CSMD1: variants seen among roughly 807,000 people sequenced by gnomAD.
CSMD1 encodes the protein CUB and sushi domain-containing protein 1.
A neutral mutation model predicts 417.5 loss-of-function variants in CSMD1; 213 were observed. The observed-to-expected ratio is 0.51, with a 90% CI of 0.46 to 0.57. The LOEUF (loss-of-function observed/expected upper bound fraction) is 0.57, where lower values mean the gene tolerates loss of function less well. Ranked by LOEUF, CSMD1 falls within the 20% of genes least tolerant of loss-of-function variation. The pLI, the probability that CSMD1 is intolerant of heterozygous loss-of-function variation, is 0.00. For synonymous variants in CSMD1, 2,862 were observed against 1,736.8 expected, an observed-to-expected ratio of 1.65 and a Z score of -16.11; for missense variants, 6,923 against 4,529.7, an observed-to-expected ratio of 1.53 and a Z score of -15.17.
chr8:4,055,946 T>G (rs1798667130), intron 3 of CSMD1, among the ~76,000 whole-genome samples: 1 of 152,152 alleles, frequency 6.6e-6, no homozygotes. Flanking sequence ...AAATTACACT[T>G]AAAATGAAAC....
intron 1 of CSMD1, among the ~76,000 whole-genome samples, chr8:4,841,914 A>ACAAAAC (rs779346831): frequency 0.099 from 13,383 of 135,758 alleles, 1,435 homozygotes; most frequent in African/African-American, 0.14. Context: ...TCCGTCTCAA[A>ACAAAAC]AAAAAAAAAA....
At chr8:2,998,834 C>G (rs1476077994) in intron 53 of CSMD1, among the ~76,000 whole-genome samples, 6 of 152,180 alleles carry the variant, frequency 3.9e-5, no homozygotes, top group African/African-American at 7.2e-5. Flanking sequence ...ACACTACAGT[C>G]ATAAAACTGG....
intron 23 of CSMD1, among the ~76,000 whole-genome samples, chr8:3,327,519 A>C (rs56702652): frequency 0.14 from 20,700 of 152,152 alleles, 1,837 homozygotes; most frequent in African/African-American, 0.26. Context: ...TATTAACATA[A>C]TATCAGTTTA....
At chr8:4,739,494 A>T (rs1335559281) in intron 1 of CSMD1, among the ~76,000 whole-genome samples, 6 of 152,332 alleles carry the variant, frequency 3.9e-5, no homozygotes, top group Admixed American at 3.3e-4. Context: ...TAGATGAAGT[A>T]ACAAAACTTT....
intron 12 of CSMD1, among the ~76,000 whole-genome samples, chr8:3,456,095 T>C (rs965583714): frequency 7.2e-5 from 11 of 152,166 alleles, no homozygotes; most frequent in African/African-American, 2.7e-4. Context: ...TTCATGGGCG[T>C]AGGACCCTCA....
intron 1 of CSMD1, among the ~76,000 whole-genome samples, chr8:4,765,950 T>C (rs909989897): frequency 2.0e-5 from 3 of 152,220 alleles, no homozygotes; most frequent in East Asian, 1.9e-4. Flanking sequence ...TAATTCCACA[T>C]AGTTTCCAAA....
At chr8:3,345,646 A>G (rs182909353) in intron 22 of CSMD1, among the ~76,000 whole-genome samples, 2 of 152,162 alleles carry the variant, frequency 1.3e-5, no homozygotes, top group African/African-American at 4.8e-5. Flanking sequence ...TTATTAGAGA[A>G]AGTCTTTGGG....
In CSMD1 at chr8:3,556,392, A is replaced by AATATATATATATATATATATATAT. The variant is rs367650533; in HGVS notation, c.1344+18552_1344+18553insATATATATATATATATATATATAT. 1.9e-3 allele frequency among the ~76,000 whole-genome samples: 234 copies of AATATATATATATATATATATATAT among 120,350 alleles called. 2 individuals carry two copies. The highest frequency in any genetic ancestry group is 6.5e-3 in the African/African-American group (198 of 30,348). 79.0% of individuals were successfully genotyped at this position (120,350 alleles called of 152,430 possible). On this transcript the variant is annotated intron_variant, in intron 10 of 69. Coordinates refer to ENST00000635120, the MANE Select transcript of CSMD1 (RefSeq NM_033225.6). ...AAGATTTTTAAAATTTATAATAATTAATATATATATATATATATATATTCA... is the reference window on the plus strand; with the variant it reads ...AAGATTTTTAAAATTTATAATAATTAATATATATATATATATATATATATATATATATATATATATATATATTCA...
At chr8:3,909,690 C>T (rs919331153) in intron 5 of CSMD1, among the ~76,000 whole-genome samples, 1 of 152,148 alleles carries the variant, frequency 6.6e-6, no homozygotes, top group South Asian at 2.1e-4. Context: ...ATCATCATTC[C>T]TCCTTCGAAA....
intron 7 of CSMD1, among the ~76,000 whole-genome samples, chr8:3,644,728 AG>A (rs752186666): frequency 6.6e-6 from 1 of 152,062 alleles, no homozygotes; most frequent in Non-Finnish European, 1.5e-5. Flanking sequence ...GGGGCCTGTC[AG>A]GGGGGTGCAG....
At chr8:3,442,096 A>T (rs894495389) in intron 12 of CSMD1, among the ~76,000 whole-genome samples, 1 of 152,068 alleles carries the variant, frequency 6.6e-6, no homozygotes, top group Non-Finnish European at 1.5e-5. Context: ...ACAAAATTAA[A>T]ATAAAAAATG....
rs990726877 is a variant in CSMD1, at chr8:3,112,845, A to C, written c.6431-2510T>G. ...TCCATAAGCACACAAAATTCTCTCA[A>C]AGCAAAATCCTGTTGCCCTCCCACT... On this transcript the variant is annotated intron_variant, in intron 42 of 69. Transcript: ENST00000635120. The C allele has an allele frequency of 1.3e-3, 196 of 152,328 alleles. 1 individual carries two copies. Among genetic ancestry groups the C allele is most frequent in the African/African-American group, 4.4e-3 (182 of 41,582 alleles). 9.4% of individuals were successfully genotyped at this position (152,328 alleles called of 1,614,324 possible).
chr8:4,451,140 C>A (rs1045207957), intron 2 of CSMD1, among the ~76,000 whole-genome samples: 3 of 151,936 alleles, frequency 2.0e-5, no homozygotes, highest in Admixed American at 2.0e-4. Context: ...CTAGCCTGGG[C>A]AACACAGTAA....
intron 3 of CSMD1, among the ~76,000 whole-genome samples, chr8:4,256,444 A>C (rs1803460237): frequency 6.6e-6 from 1 of 152,314 alleles, no homozygotes; most frequent in African/African-American, 2.4e-5. Context: ...AGATTAAAAG[A>C]GGTGATATAG....
chr8:4,416,817 A>G (rs1209998226), intron 3 of CSMD1, among the ~76,000 whole-genome samples: 3 of 152,084 alleles, frequency 2.0e-5, no homozygotes, highest in Admixed American at 1.3e-4. Context: ...TGACAAAGTA[A>G]TATTTTTTAA....
intron 1 of CSMD1, among the ~76,000 whole-genome samples, chr8:4,972,246 T>C (rs1302409726): frequency 6.6e-6 from 1 of 151,134 alleles, no homozygotes; most frequent in Non-Finnish European, 1.5e-5. Context: ...CACAAAACCA[T>C]GGAATGGGAC....
In CSMD1 at chr8:3,043,346, C is replaced by T. The variant is rs967277321; in HGVS notation, c.7660+9116G>A. On this transcript the variant is annotated intron_variant, in intron 50 of 69. Coordinates refer to ENST00000635120, the MANE Select transcript of CSMD1 (RefSeq NM_033225.6). ...AGTATATAAAGTGATATACATATAA[C>T]GATATATACAGATTATATAGTACCA... Among the ~76,000 whole-genome samples, 340 of 149,508 alleles carry T rather than the reference C, an allele frequency of 2.3e-3. 1 individual carries two copies. The highest frequency in any genetic ancestry group is 7.9e-3 in the African/African-American group (319 of 40,192).
At chr8:4,906,746 G>C (rs1419196905) in intron 1 of CSMD1, among the ~76,000 whole-genome samples, 6 of 152,074 alleles carry the variant, frequency 3.9e-5, no homozygotes, top group Non-Finnish European at 8.8e-5. Context: ...TTTTAGTAGA[G>C]ACGGGGTTTC....
intron 1 of CSMD1, among the ~76,000 whole-genome samples, chr8:4,883,357 A>G (rs1206950968): frequency 6.6e-6 from 1 of 152,100 alleles, no homozygotes; most frequent in Non-Finnish European, 1.5e-5. Context: ...ATATCATAAA[A>G]TTTACCATTT....
Sources: gnomAD v4.1 joint callset for allele counts (sites outside exome capture counted in the v4.1 genomes callset) on GRCh38, gnomAD v4.1.1 for gene constraint, MANE v1.5 for transcripts, NCBI Gene and HGNC (gene_info 2026-07-23, HGNC 2026-07-21) for gene names.